Variants in MRM1 observed in about 807,000 individuals in gnomAD.
MRM1 encodes rRNA methyltransferase 1, mitochondrial.
MRM1 carries 24 observed loss-of-function variants against 25.0 expected under a neutral mutation model. That is an observed-to-expected ratio of 0.96 (90% CI 0.69 to 1.35). The LOEUF is 1.35. Ranked by LOEUF, MRM1 falls within the 40% of genes most tolerant of loss-of-function variation. The pLI, the probability that MRM1 is intolerant of heterozygous loss-of-function variation, is 0.00. For synonymous variants in MRM1, 188 were observed against 199.2 expected (o/e 0.94, Z 0.47); for missense variants, 431 against 464.1 (o/e 0.93, Z 0.65).
chr17:36,602,845 T>G lies in MRM1; in HGVS notation c.636+199T>G, dbSNP rs984054159. 1 of 809,126 alleles carries G rather than the reference T, an allele frequency of 1.2e-6. No individual in the cohort carries two copies. The highest frequency in any genetic ancestry group is 1.2e-4 in the East Asian group (1 of 8,030). The allele number at this position is 809,126 out of a possible 1,614,324, so 50.1% of individuals were successfully genotyped here. A position where few individuals can be genotyped will look rare whatever the true frequency, so the allele number is the denominator to read the frequency against. ...GCATTAGCTGAATTCTTCCTAGCGT[T>G]ATACCCTTTCCTGCACCCCTTCCCC... On this transcript the variant is annotated intron_variant, in intron 2 of 4. Transcript: ENST00000614766. The surrounding 1 kb of genome is among the most constrained non-coding windows in gnomAD (Gnocchi z 4.1).
At chr17:36,623,061 C>T in the MRM1 span, among the ~76,000 whole-genome samples, 1 of 152,194 alleles carries the variant, frequency 6.6e-6, no homozygotes, top group Non-Finnish European at 1.5e-5. Context: ...GGGGTATGTT[C>T]CCAGTTGTGT....
At chr17:36,625,286 T>C in the MRM1 span, among the ~76,000 whole-genome samples, 37 of 152,190 alleles carry the variant, frequency 2.4e-4, no homozygotes, top group Non-Finnish European at 4.3e-4. Flanking sequence ...CTGTCCACAG[T>C]TGGCCCCAGT....
At chr17:36,616,968 C>T in the MRM1 span, among the ~76,000 whole-genome samples, 13 of 152,170 alleles carry the variant, frequency 8.5e-5, no homozygotes, top group African/African-American at 2.9e-4. Flanking sequence ...TCAAGTGATC[C>T]TCCTGCCTCG....
the MRM1 span, among the ~76,000 whole-genome samples, chr17:36,627,942 T>C: frequency 6.6e-6 from 1 of 151,974 alleles, no homozygotes; most frequent in African/African-American, 2.4e-5. Flanking sequence ...TCTCAAAGTG[T>C]TGGGATTACA....
the MRM1 span, among the ~76,000 whole-genome samples, chr17:36,630,241 G>T: frequency 6.6e-6 from 1 of 152,190 alleles, no homozygotes; most frequent in Non-Finnish European, 1.5e-5. Context: ...CAGTGCTGTT[G>T]AGTGATTGGT....
At chr17:36,628,227 A>G in the MRM1 span, among the ~76,000 whole-genome samples, 10 of 152,112 alleles carry the variant, frequency 6.6e-5, no homozygotes, top group African/African-American at 2.2e-4. Context: ...GCCTCAAGCA[A>G]TCCTCTGGCC....
the MRM1 span, among the ~76,000 whole-genome samples, chr17:36,626,222 A>C: frequency 6.6e-6 from 1 of 152,200 alleles, no homozygotes; most frequent in African/African-American, 2.4e-5. Context: ...ACTTGGGGAC[A>C]GTGCATGTTG....
At chr17:36,616,663 G>C in the MRM1 span, among the ~76,000 whole-genome samples, 1 of 152,206 alleles carries the variant, frequency 6.6e-6, no homozygotes, top group Non-Finnish European at 1.5e-5. Flanking sequence ...GATGGTACTA[G>C]CATTTGTTAT....
At chr17:36,619,818 G>C in the MRM1 span, among the ~76,000 whole-genome samples, 1 of 152,160 alleles carries the variant, frequency 6.6e-6, no homozygotes, top group Non-Finnish European at 1.5e-5. Context: ...CCCCAAGAGT[G>C]CTCAAGGGTT....
chr17:36,611,107 G>T (rs2074974482), downstream of MRM1, among the ~76,000 whole-genome samples: 1 of 152,220 alleles, frequency 6.6e-6, no homozygotes, highest in Non-Finnish European at 1.5e-5. Context: ...GCACTACCAT[G>T]CCCAGCCGAT....
At chr17:36,606,802 A>C (rs1385293643) in intron 2 of MRM1, among the ~76,000 whole-genome samples, 1 of 151,118 alleles carries the variant, frequency 6.6e-6, no homozygotes, top group Non-Finnish European at 1.5e-5. Context: ...GTAGAGACGG[A>C]GTTTCACCAT....
the MRM1 span, chr17:36,634,203 C>CA: frequency 6.6e-6 from 1 of 152,188 alleles, no homozygotes; most frequent in African/African-American, 2.4e-5. Context: ...GGACTTACTC[C>CA]AAAAAGGAGC....
the MRM1 span, among the ~76,000 whole-genome samples, chr17:36,632,600 T>TC: frequency 0.09 from 13,637 of 151,532 alleles, 753 homozygotes; most frequent in South Asian, 0.16. Context: ...AATTTTGTGC[T>TC]CCCCCCCACT....
intron 2 of MRM1, among the ~76,000 whole-genome samples, chr17:36,605,368 C>CT (rs2074920221): frequency 6.8e-6 from 1 of 147,724 alleles, no homozygotes; most frequent in African/African-American, 2.5e-5. Context: ...GAGATGAGGT[C>CT]TCACTTTGTT....
chr17:36,623,938 C>T, the MRM1 span, among the ~76,000 whole-genome samples: 1 of 152,210 alleles, frequency 6.6e-6, no homozygotes, highest in Non-Finnish European at 1.5e-5. Flanking sequence ...TCCCATGCAC[C>T]GTCTTCCTTG....
At chr17:36,634,443 C>G in the MRM1 span, 1 of 152,194 alleles carries the variant, frequency 6.6e-6, no homozygotes. Flanking sequence ...TCCCCCTGTG[C>G]TGGTGCAGAG....
chr17:36,628,691 A>G, the MRM1 span, among the ~76,000 whole-genome samples: 5 of 152,160 alleles, frequency 3.3e-5, no homozygotes, highest in Non-Finnish European at 7.4e-5. Flanking sequence ...ACTGGCAGTT[A>G]CTGAGCCTCT....
rs537877959 is a variant in MRM1 at position 36,604,730 on chromosome 17, CG to C, written c.636+2087del. Among the ~76,000 whole-genome samples, 44 of 151,618 alleles carry C rather than the reference CG, an allele frequency of 2.9e-4. No individual in the cohort carries two copies. In the South Asian group the frequency reaches 8.7e-3, roughly 30 times the overall value. ...CGGAGGTAGGAGAATCGCTTGAACC[CG>C]GGAGGTGGAGGTGGTAGTGAGCCGA... On this transcript the variant is annotated intron_variant, in intron 2 of 4. Coordinates refer to ENST00000614766, the MANE Select transcript of MRM1 (RefSeq NM_024864.5).
chr17:36,607,873 C>CTA, intron 3 of MRM1, 26 bp from the exon 4 acceptor site: 1 of 1,613,054 alleles, frequency 6.2e-7, no homozygotes, highest in South Asian at 1.1e-5. Flanking sequence ...CTGGGCAACC[C>CTA]TAACCCTCAG....
Sources: allele counts gnomAD v4.1 joint callset (sites outside exome capture counted in the v4.1 genomes callset), GRCh38; gene constraint gnomAD v4.1.1; non-coding constraint Gnocchi (gnomAD v3.1); transcripts MANE v1.5; gene names NCBI Gene and HGNC (gene_info 2026-07-23, HGNC 2026-07-21).